The following SERPINB9 variants were observed in gnomAD, a reference collection of about 807,000 sequenced individuals.
The protein encoded by SERPINB9 is serpin family B member 9.
Under a neutral mutation model 27.2 loss-of-function variants are expected in SERPINB9, and 20 were observed. That is an observed-to-expected ratio of 0.74 (90% CI 0.52 to 1.07). The LOEUF is 1.07. Ranked by LOEUF, SERPINB9 falls within the 50% of genes least tolerant of loss-of-function variation. The pLI is 0.00. For synonymous variants in SERPINB9, 189 were observed against 180.0 expected (o/e 1.05, Z -0.40); for missense variants, 476 against 460.1 (o/e 1.03, Z -0.32).
At chr6:2,893,651 T>G in intron 4 of SERPINB9, 98 bp from the exon 5 acceptor site, 1 of 1,113,806 alleles carries the variant, frequency 9.0e-7, no homozygotes, top group Non-Finnish European at 1.3e-6. Context: ...ACTTCTGTTT[T>G]CAACTTTGCT....
intron 2 of SERPINB9, chr6:2,899,830 G>A (rs144630984): frequency 7.2e-6 from 3 of 415,464 alleles, no homozygotes; most frequent in East Asian, 7.2e-5. Flanking sequence ...CAGGGATGGC[G>A]CTTTTCGGTT....
At chr6:2,900,692 G>A in intron 1 of SERPINB9, 71 bp from the exon 2 acceptor site, 4 of 1,308,292 alleles carry the variant, frequency 3.1e-6, no homozygotes, top group Non-Finnish European at 4.2e-6. Context: ...TTACTACAGG[G>A]CAATTTTGGA....
intron 1 of SERPINB9, among the ~76,000 whole-genome samples, 172 bp from the exon 2 acceptor site, chr6:2,900,793 G>T (rs1768171495): frequency 6.6e-6 from 1 of 151,936 alleles, no homozygotes; most frequent in Admixed American, 6.6e-5. Context: ...AAAATTAAGT[G>T]CAAATGTTAA....
In SERPINB9 at chr6:2,890,030, C is replaced by G; in HGVS notation, c.*133G>C. The G allele has an allele frequency of 1.4e-5, 10 of 731,406 alleles. No homozygotes were observed. The highest frequency in any genetic ancestry group is 1.9e-5 in the Non-Finnish European group (9 of 468,136). 45.3% of individuals were successfully genotyped at this position (731,406 alleles called of 1,614,324 possible). A position where few individuals can be genotyped will look rare whatever the true frequency, so the allele number is the denominator to read the frequency against. Reference sequence around the variant, plus strand: ...GCATCATGAATTCATGCTGGCAAATCATGAGGGCAGACAGGTAAAGAATCT... The same window carrying G: ...GCATCATGAATTCATGCTGGCAAATGATGAGGGCAGACAGGTAAAGAATCT... On this transcript the variant is annotated 3_prime_UTR_variant, in exon 7 of 7. Transcript: ENST00000380698. The surrounding 1 kb of genome is among the most constrained non-coding windows in gnomAD (Gnocchi z 6.2).
At position 2,895,455 on chromosome 6, in the gene SERPINB9, G is replaced by A. The variant is rs576255029; in HGVS notation, c.360C>T (p.Ser120=). Residue 120 remains serine (S), a synonymous_variant, in exon 4 of 7, where the codon TCC becomes TCT. Coordinates refer to ENST00000380698, the MANE Select transcript of SERPINB9 (RefSeq NM_004155.6). Reference sequence around the variant, plus strand: ...TGGACTCTTCTGCAGCTCTGATAAAGGAAAGCTCCTTCAGCTCAGCATGGT... The same window carrying A: ...TGGACTCTTCTGCAGCTCTGATAAAAGAAAGCTCCTTCAGCTCAGCATGGT... ...QFYHAELKEL[S]FIRAAEESRK... is the part of the protein sequence containing the mutation. 1.2e-5 allele frequency: 19 copies of A among 1,613,772 alleles called. No individual in the cohort carries two copies. In the South Asian group the frequency reaches 1.8e-4, roughly 15 times the overall value.
chr6:2,892,474 G>A (rs892306867), intron 5 of SERPINB9, among the ~76,000 whole-genome samples: 3 of 151,998 alleles, frequency 2.0e-5, no homozygotes, highest in Admixed American at 6.6e-5. Context: ...AAAGAGTAAC[G>A]ACCTACATAT....
Position 2,890,624 on chromosome 6 carries a change from C to G in SERPINB9, c.724-54G>C. ...TCCGACTTCAGTGCACATGTACAAGCGCACAGGCACTCACAGTTCCCTTCC... is the reference window on the plus strand; with the variant it reads ...TCCGACTTCAGTGCACATGTACAAGGGCACAGGCACTCACAGTTCCCTTCC... On this transcript the variant is annotated intron_variant, in intron 6 of 6. Transcript: ENST00000380698. The surrounding 1 kb of genome is among the most constrained non-coding windows in gnomAD (Gnocchi z 6.2). 1.3e-6 allele frequency: 2 copies of G among 1,510,770 alleles called. No homozygotes were observed. The highest frequency in any genetic ancestry group is 1.8e-6 in the Non-Finnish European group (2 of 1,107,332). 93.6% of individuals were successfully genotyped at this position (1,510,770 alleles called of 1,614,324 possible).
chr6:2,888,178 A>AC lies in SERPINB9; in HGVS notation c.*1984_*1985insG, dbSNP rs1455764839. 3.3e-5 allele frequency: 5 copies of AC among 152,206 alleles called. No individual in the cohort carries two copies. Among genetic ancestry groups the AC allele is most frequent in the African/African-American group, 9.7e-5 (4 of 41,444 alleles). 9.4% of individuals were successfully genotyped at this position (152,206 alleles called of 1,614,324 possible). A position where few individuals can be genotyped will look rare whatever the true frequency, so the allele number is the denominator to read the frequency against. On this transcript the variant is annotated 3_prime_UTR_variant, in exon 7 of 7. Transcript: ENST00000380698. ...TTTTTTTTAAAAAAAGGAAAAGGAAAATAATAAGTGTTGGTGAGGAAGTGG... is the reference window on the plus strand; with the variant it reads ...TTTTTTTTAAAAAAAGGAAAAGGAAACATAATAAGTGTTGGTGAGGAAGTGG...
intron 2 of SERPINB9, among the ~76,000 whole-genome samples, chr6:2,898,697 C>T (rs1283378338): frequency 6.6e-6 from 1 of 151,812 alleles, no homozygotes; most frequent in East Asian, 1.9e-4. Flanking sequence ...ACCTGTAGTC[C>T]CAGCTACTCG....
At chr6:2,897,205 C>T (rs1346802697) in intron 2 of SERPINB9, among the ~76,000 whole-genome samples, 1 of 151,992 alleles carries the variant, frequency 6.6e-6, no homozygotes, top group African/African-American at 2.4e-5. Context: ...GTGGCTCATG[C>T]CTGTAATCCC....
At chr6:2,900,369 G>T in intron 2 of SERPINB9, 75 bp downstream of exon 2, 1 of 1,548,230 alleles carries the variant, frequency 6.5e-7, no homozygotes. Flanking sequence ...AGTGGCTCTG[G>T]AGTGTGAGTG....
rs941202270 is a variant in SERPINB9, at chr6:2,888,130, C to T, written c.*2033G>A. ...AAACACAATGAGATACCACTTCACA[C>T]CCACTAAGATGGCCATAACTTATTT... is the stretch of plus-strand genomic sequence containing the variant. On this transcript the variant is annotated 3_prime_UTR_variant, in exon 7 of 7. Transcript: ENST00000380698. The T allele has an allele frequency of 6.6e-6, 1 of 152,024 alleles. No homozygotes were observed. The highest frequency in any genetic ancestry group is 1.5e-5 in the Non-Finnish European group (1 of 68,020). The allele number at this position is 152,024 out of a possible 1,614,324, so 9.4% of individuals were successfully genotyped here.
At chr6:2,899,449 C>T (rs1172047266) in intron 2 of SERPINB9, among the ~76,000 whole-genome samples, 1 of 152,210 alleles carries the variant, frequency 6.6e-6, no homozygotes, top group African/African-American at 2.4e-5. Flanking sequence ...CAACCTCACA[C>T]TGACATCACC....
In SERPINB9 at chr6:2,893,433, T is replaced by TC; in HGVS notation, c.544dup (p.Glu182GlyfsTer5). ...CACCTGGTTTATTTTAAAGGGCATT[T>TC]CCCTTGTGTATGTTTCGTCAAACGG... On this transcript the variant is annotated frameshift_variant, in exon 5 of 7. Transcript: ENST00000380698. LOFTEE classifies it high-confidence loss of function. 1 of 1,611,608 alleles carries TC rather than the reference T, an allele frequency of 6.2e-7. No individual in the cohort carries two copies. Among genetic ancestry groups the TC allele is most frequent in the Non-Finnish European group, 8.5e-7 (1 of 1,178,618 alleles).
At chr6:2,895,044 A>T (rs955556934) in intron 4 of SERPINB9, among the ~76,000 whole-genome samples, 8 of 152,160 alleles carry the variant, frequency 5.3e-5, no homozygotes, top group Admixed American at 5.2e-4. Context: ...GGCGAGAGCC[A>T]CCGTGGCTGG....
In SERPINB9 at chr6:2,894,938, GGC is replaced by G. The variant is rs778067671; in HGVS notation, c.424+451_424+452del. ...TTTTGTATTTTTAGTAGAGATGTTG[GGC>G]GGGGGGGGGTCCCACCATGTTGGTC... On this transcript the variant is annotated intron_variant, in intron 4 of 6. Coordinates refer to ENST00000380698, the MANE Select transcript of SERPINB9 (RefSeq NM_004155.6). The surrounding 1 kb of genome is among the most constrained non-coding windows in gnomAD (Gnocchi z 4.7). Among the ~76,000 whole-genome samples the G allele has an allele frequency of 0.058, 6,216 of 106,600 alleles. 246 individuals carry two copies. Among genetic ancestry groups the G allele is most frequent in the East Asian group, 0.12 (392 of 3,292 alleles). 69.9% of individuals were successfully genotyped at this position (106,600 alleles called of 152,430 possible). A position where few individuals can be genotyped will look rare whatever the true frequency, so the allele number is the denominator to read the frequency against.
At chr6:2,901,287 A>T (rs1768193380) in intron 1 of SERPINB9, among the ~76,000 whole-genome samples, 1 of 152,192 alleles carries the variant, frequency 6.6e-6, no homozygotes, top group Admixed American at 6.5e-5. Flanking sequence ...GCCCATCACC[A>T]GCTTCTGCAC....
intron 5 of SERPINB9, among the ~76,000 whole-genome samples, chr6:2,892,363 T>C (rs188426210): frequency 4.6e-5 from 7 of 152,290 alleles, no homozygotes; most frequent in Middle Eastern, 3.4e-3. Flanking sequence ...GTTTTTCCTA[T>C]TTATCCAACC....
In SERPINB9 at chr6:2,894,231, G is replaced by A. The variant is rs1016692118; in HGVS notation, c.425-678C>T. On this transcript the variant is annotated intron_variant, in intron 4 of 6. Transcript: ENST00000380698. The surrounding 1 kb of genome is among the most constrained non-coding windows in gnomAD (Gnocchi z 4.7). ...CAGGAATGCGGGAAACAACTGCTGA[G>A]ACTTTAAGCGAAGAACGTCTCCCAT... is the stretch of plus-strand genomic sequence containing the variant. Among the ~76,000 whole-genome samples the A allele has an allele frequency of 2.3e-4, 35 of 152,150 alleles. No homozygotes were observed. Among genetic ancestry groups the A allele is most frequent in the Non-Finnish European group, 4.0e-4 (27 of 68,036 alleles).
Sources: gnomAD v4.1 joint callset for allele counts (sites outside exome capture counted in the v4.1 genomes callset) on GRCh38, gnomAD v4.1.1 for gene constraint, Gnocchi (gnomAD v3.1) non-coding constraint, MANE v1.5 for transcripts, NCBI Gene and HGNC (gene_info 2026-07-23, HGNC 2026-07-21) for gene names.